The following IMMP2L variants were observed in gnomAD, a reference collection of about 807,000 sequenced individuals.
The protein encoded by IMMP2L is mitochondrial inner membrane protease subunit 2.
IMMP2L carries 18 observed loss-of-function variants against 19.3 expected under a neutral mutation model. The ratio of observed to expected loss-of-function variants is 0.93; its 90% confidence interval spans 0.64 to 1.38. The LOEUF is 1.38. Ranked by LOEUF, IMMP2L falls within the 40% of genes most tolerant of loss-of-function variation. The probability of loss-of-function intolerance (pLI) is 0.00; values close to 1 mark genes in which losing one functional copy is unlikely to be tolerated. For synonymous variants in IMMP2L, 76 were observed against 73.0 expected, an observed-to-expected ratio of 1.04 and a Z score of -0.21; for missense variants, 233 against 218.2, an observed-to-expected ratio of 1.07 and a Z score of -0.43.
chr7:110,827,109 G>GT (rs1225320810), intron 5 of IMMP2L, among the ~76,000 whole-genome samples: 1 of 152,056 alleles, frequency 6.6e-6, no homozygotes, highest in African/African-American at 2.4e-5. Flanking sequence ...AATAAAAATA[G>GT]TTTTGACCTC....
intron 3 of IMMP2L, among the ~76,000 whole-genome samples, chr7:111,475,409 C>CT (rs971290702): frequency 1.2e-4 from 18 of 148,410 alleles, no homozygotes; most frequent in African/African-American, 2.2e-4. Flanking sequence ...AAAACAGTGC[C>CT]TTTTTTTTTT....
At chr7:110,695,963 C>T (rs757983945) in intron 5 of IMMP2L, among the ~76,000 whole-genome samples, 9 of 152,190 alleles carry the variant, frequency 5.9e-5, no homozygotes, top group East Asian at 1.9e-4. Context: ...TTTCAGAGGA[C>T]GGCCTTTTGC....
chr7:110,720,506 A>C (rs1258191679), intron 5 of IMMP2L, among the ~76,000 whole-genome samples: 1 of 152,210 alleles, frequency 6.6e-6, no homozygotes, highest in Non-Finnish European at 1.5e-5. Flanking sequence ...GAGGTTTGTA[A>C]GTAAAAACGG....
At chr7:110,908,285 A>G (rs1812685585) in intron 4 of IMMP2L, among the ~76,000 whole-genome samples, 1 of 152,136 alleles carries the variant, frequency 6.6e-6, no homozygotes, top group Non-Finnish European at 1.5e-5. Context: ...GTTTAATATC[A>G]CTAAACCACG....
At chr7:110,716,086 CT>C (rs367848142) in intron 5 of IMMP2L, among the ~76,000 whole-genome samples, 1 of 151,182 alleles carries the variant, frequency 6.6e-6, no homozygotes, top group African/African-American at 2.4e-5. Context: ...GTGACCCCTG[CT>C]TTTTTTTGTT....
chr7:110,784,236 A>T (rs1799926001), intron 5 of IMMP2L, among the ~76,000 whole-genome samples: 2 of 151,946 alleles, frequency 1.3e-5, no homozygotes, highest in South Asian at 4.1e-4. Flanking sequence ...AGCAATGGAA[A>T]GACCTTATTT....
At chr7:111,443,701 C>T (rs1057423478) in intron 3 of IMMP2L, among the ~76,000 whole-genome samples, 4 of 152,068 alleles carry the variant, frequency 2.6e-5, no homozygotes, top group South Asian at 2.1e-4. Context: ...ATTAAAATAT[C>T]GGAAACTATT....
rs555185712 is a variant in IMMP2L, at chr7:111,401,934, T to C, written c.239+85304A>G. Among the ~76,000 whole-genome samples the C allele has an allele frequency of 3.2e-4, 48 of 151,938 alleles. No individual in the cohort carries two copies. The South Asian group carries it at 6.7e-3, about 21-fold the overall frequency. On this transcript the variant is annotated intron_variant, in intron 3 of 5. Transcript: ENST00000405709. ...CTCTGAGAGACTGTTTATCATGTTATAAATTCAAGGTTTTAAAAAAATAAT... is the reference window on the plus strand; with the variant it reads ...CTCTGAGAGACTGTTTATCATGTTACAAATTCAAGGTTTTAAAAAAATAAT...
intron 5 of IMMP2L, among the ~76,000 whole-genome samples, chr7:110,763,023 A>G (rs1170376638): frequency 6.6e-6 from 1 of 152,112 alleles, no homozygotes; most frequent in Admixed American, 6.6e-5. Context: ...ATGGTAACAG[A>G]TTCTCAAACA....
intron 3 of IMMP2L, among the ~76,000 whole-genome samples, chr7:111,481,855 T>C (rs1346827290): frequency 1.3e-5 from 2 of 152,194 alleles, no homozygotes; most frequent in Non-Finnish European, 2.9e-5. Context: ...AAATAAAATG[T>C]ATGTCACATG....
chr7:111,187,761 G>C (rs953109298), intron 3 of IMMP2L, among the ~76,000 whole-genome samples: 1 of 152,078 alleles, frequency 6.6e-6, no homozygotes, highest in East Asian at 1.9e-4. Flanking sequence ...GTGCACACAG[G>C]TTATTTACAG....
At chr7:111,480,976 C>CT (rs1356838905) in intron 3 of IMMP2L, among the ~76,000 whole-genome samples, 6 of 152,130 alleles carry the variant, frequency 3.9e-5, no homozygotes, top group Middle Eastern at 3.4e-3. Context: ...TTTCGTTTTT[C>CT]TTTTTTCAAA....
chr7:111,521,987 T>C (rs536532785), intron 1 of IMMP2L, among the ~76,000 whole-genome samples: 1 of 152,186 alleles, frequency 6.6e-6, no homozygotes, highest in South Asian at 2.1e-4. Context: ...TTTATAACTG[T>C]AATACTAACA....
intron 2 of IMMP2L, among the ~76,000 whole-genome samples, chr7:111,515,614 A>T (rs951172466): frequency 6.6e-6 from 1 of 152,164 alleles, no homozygotes; most frequent in African/African-American, 2.4e-5. Context: ...AGTTAGTTAC[A>T]CATTTTTAAA....
At chr7:111,337,494 A>G (rs912080564) in intron 3 of IMMP2L, among the ~76,000 whole-genome samples, 5 of 151,488 alleles carry the variant, frequency 3.3e-5, no homozygotes, top group African/African-American at 9.8e-5. Context: ...GGATGGATGG[A>G]TGGATGAAAT....
At chr7:111,046,466 T>C (rs531789850) in intron 3 of IMMP2L, among the ~76,000 whole-genome samples, 2 of 151,918 alleles carry the variant, frequency 1.3e-5, no homozygotes, top group African/African-American at 4.8e-5. Flanking sequence ...AATAAAGATA[T>C]ATAGAAAAGT....
At chr7:111,217,120 TCTCTCTCACACA>T (rs1365183331) in intron 3 of IMMP2L, among the ~76,000 whole-genome samples, 1 of 137,918 alleles carries the variant, frequency 7.3e-6, no homozygotes, top group Non-Finnish European at 1.6e-5. Context: ...TCTCTCTCTC[TCTCTCTCACACA>T]CACACACACA....
At chr7:110,844,407 G>A (rs573761594) in intron 5 of IMMP2L, among the ~76,000 whole-genome samples, 1 of 152,102 alleles carries the variant, frequency 6.6e-6, no homozygotes, top group East Asian at 1.9e-4. Flanking sequence ...TCAGACAGCA[G>A]CAATTGCAAA....
chr7:110,968,763 G>A (rs550765202), intron 3 of IMMP2L, among the ~76,000 whole-genome samples: 10 of 152,244 alleles, frequency 6.6e-5, no homozygotes, highest in Admixed American at 1.3e-4. Flanking sequence ...GGGCATATGA[G>A]TCTAGAAATC....
Sources: gnomAD v4.1 joint callset for allele counts (sites outside exome capture counted in the v4.1 genomes callset) on GRCh38, gnomAD v4.1.1 for gene constraint, MANE v1.5 for transcripts, NCBI Gene and HGNC (gene_info 2026-07-23, HGNC 2026-07-21) for gene names.